Variants in PTPN4 observed in about 807,000 individuals in gnomAD.
PTPN4 encodes the protein tyrosine-protein phosphatase non-receptor type 4.
PTPN4 carries 49 observed loss-of-function variants against 135.5 expected under a neutral mutation model. The ratio of observed to expected loss-of-function variants is 0.36; its 90% CI spans 0.29 to 0.46. The LOEUF is 0.46. Ranked by LOEUF, PTPN4 falls within the 20% of genes least tolerant of loss-of-function variation. The pLI is 1.00. For missense variants in PTPN4, 860 were observed against 1,101.0 expected (o/e 0.78, Z 3.10); for synonymous variants, 333 against 369.9 (o/e 0.90, Z 1.14).
chr2:119,795,595 C>T (rs1460028709), intron 1 of PTPN4, among the ~76,000 whole-genome samples: 1 of 152,250 alleles, frequency 6.6e-6, no homozygotes, highest in Non-Finnish European at 1.5e-5. Context: ...GCGTTGACAA[C>T]AGGGAGAGGC....
intron 12 of PTPN4, 139 bp downstream of exon 12, chr2:119,920,380 T>C (rs1678718608): frequency 4.5e-6 from 4 of 888,496 alleles, no homozygotes; most frequent in Non-Finnish European, 5.0e-6. Context: ...TTGCAGCCTC[T>C]ATATCAGTAT....
At chr2:119,923,827 G>T (rs1448970235) in intron 12 of PTPN4, among the ~76,000 whole-genome samples, 2 of 152,030 alleles carry the variant, frequency 1.3e-5, no homozygotes, top group Non-Finnish European at 2.9e-5. Flanking sequence ...TGCCAAAGTA[G>T]AATAAGTAAT....
intron 18 of PTPN4, among the ~76,000 whole-genome samples, chr2:119,948,697 G>A (rs1353181913): frequency 3.3e-5 from 5 of 152,106 alleles, no homozygotes; most frequent in Non-Finnish European, 7.4e-5. Flanking sequence ...TAAAGTTGGG[G>A]AAACAAGTTA....
intron 16 of PTPN4, 80 bp downstream of exon 16, chr2:119,945,320 T>G (rs1472974427): frequency 1.5e-6 from 2 of 1,313,534 alleles, no homozygotes; most frequent in Non-Finnish European, 2.1e-6. Context: ...ACTTTGGCAG[T>G]TTTTAGTTGT....
chr2:119,858,508 T>C (rs1677713867), intron 2 of PTPN4, among the ~76,000 whole-genome samples: 1 of 152,196 alleles, frequency 6.6e-6, no homozygotes, highest in South Asian at 2.1e-4. Flanking sequence ...CTCAAATGTT[T>C]TATTATTTTA....
intron 9 of PTPN4, among the ~76,000 whole-genome samples, chr2:119,895,946 C>G (rs924041863): frequency 1.3e-5 from 2 of 151,048 alleles, no homozygotes; most frequent in Non-Finnish European, 2.9e-5. Flanking sequence ...GGATAGCGGT[C>G]TATACACCAC....
intron 1 of PTPN4, among the ~76,000 whole-genome samples, chr2:119,773,542 C>G (rs894370612): frequency 3.3e-5 from 5 of 151,906 alleles, no homozygotes; most frequent in African/African-American, 7.3e-5. Context: ...TCAAGACCAG[C>G]CTGACCTACA....
chr2:119,838,134 T>A (rs535248024), intron 2 of PTPN4, among the ~76,000 whole-genome samples: 14 of 152,382 alleles, frequency 9.2e-5, no homozygotes, highest in South Asian at 2.1e-4. Context: ...CACTTTTTTT[T>A]AAAATACTTT....
At chr2:119,843,012 A>G (rs1305637916) in intron 2 of PTPN4, among the ~76,000 whole-genome samples, 1 of 152,228 alleles carries the variant, frequency 6.6e-6, no homozygotes, top group Non-Finnish European at 1.5e-5. Flanking sequence ...GTTCTCTATT[A>G]CTAACTTGTT....
intron 3 of PTPN4, among the ~76,000 whole-genome samples, chr2:119,867,882 C>A (rs557121582): frequency 2.6e-5 from 4 of 152,288 alleles, no homozygotes; most frequent in Non-Finnish European, 5.9e-5. Flanking sequence ...TTTACTTCCT[C>A]CTTACAAGTC....
chr2:119,874,240 G>T (rs537524883), intron 3 of PTPN4, among the ~76,000 whole-genome samples: 1 of 152,252 alleles, frequency 6.6e-6, no homozygotes, highest in East Asian at 1.9e-4. Context: ...GATGTAAAAG[G>T]TACAGCCATT....
intron 25 of PTPN4, 61 bp downstream of exon 25, chr2:119,965,706 G>T (rs1679436408): frequency 6.5e-7 from 1 of 1,527,700 alleles, no homozygotes; most frequent in African/African-American, 1.4e-5. Context: ...TTTTAAAAGA[G>T]AGTACATATT....
chr2:119,926,726 A>G (rs951693563), intron 13 of PTPN4, 60 bp downstream of exon 13: 2 of 1,305,228 alleles, frequency 1.5e-6, no homozygotes, highest in Non-Finnish European at 2.1e-6. Context: ...AGTTTACTAA[A>G]AAGTTTTTCT....
intron 1 of PTPN4, among the ~76,000 whole-genome samples, chr2:119,799,031 A>G (rs1354118254): frequency 2.6e-5 from 4 of 152,224 alleles, no homozygotes; most frequent in African/African-American, 9.6e-5. Flanking sequence ...AATAAACCTT[A>G]TAAAACCCAG....
chr2:119,778,545 C>T (rs1176265360), intron 1 of PTPN4, among the ~76,000 whole-genome samples: 1 of 152,128 alleles, frequency 6.6e-6, no homozygotes, highest in Non-Finnish European at 1.5e-5. Context: ...TTAGAGAACT[C>T]TGTAGGGCCT....
chr2:119,939,835 T>C (rs1679036664), intron 15 of PTPN4, among the ~76,000 whole-genome samples: 1 of 152,136 alleles, frequency 6.6e-6, no homozygotes. Context: ...TAGCAATATA[T>C]TGTGAACTCT....
At chr2:119,937,781 G>A (rs1558769251) in intron 15 of PTPN4, among the ~76,000 whole-genome samples, 1 of 152,020 alleles carries the variant, frequency 6.6e-6, no homozygotes, top group South Asian at 2.1e-4. Context: ...CAAAATGTCA[G>A]ATTGCCAAGT....
At chr2:119,882,250 T>C in intron 7 of PTPN4, 101 bp downstream of exon 7, 1 of 1,219,156 alleles carries the variant, frequency 8.2e-7, no homozygotes, top group Non-Finnish European at 1.2e-6. Flanking sequence ...TGTTGCTATA[T>C]AGAAAATAGT....
intron 3 of PTPN4, among the ~76,000 whole-genome samples, chr2:119,876,540 AATG>A (rs1430349547): frequency 6.6e-6 from 1 of 152,122 alleles, no homozygotes; most frequent in Admixed American, 6.5e-5. Flanking sequence ...GTTTATAAAT[AATG>A]ATACATAAAC....
Sources: gnomAD v4.1 joint callset for allele counts (sites outside exome capture counted in the v4.1 genomes callset) on GRCh38, gnomAD v4.1.1 for gene constraint, MANE v1.5 for transcripts, NCBI Gene and HGNC (gene_info 2026-07-23, HGNC 2026-07-21) for gene names.